Variants in ADAD1 observed in about 807,000 individuals in gnomAD.
ADAD1 encodes adenosine deaminase domain containing 1.
A neutral mutation model predicts 66.8 loss-of-function variants in ADAD1; 46 were observed. The observed-to-expected ratio is 0.69, with a 90% CI of 0.54 to 0.88. The LOEUF is 0.88. ADAD1 is among the 40% of genes least tolerant of loss of function. ADAD1 has a pLI of 0.00. For synonymous variants in ADAD1, 248 were observed against 229.4 expected, an observed-to-expected ratio of 1.08 and a Z score of -0.73; for missense variants, 617 against 681.8, an observed-to-expected ratio of 0.91 and a Z score of 1.06.
rs531696557 is a variant in ADAD1, at chr4:122,379,125, G to T, written c.-83+10G>T. ...AACAACCCTCACGCAGGTACCCCTT[G>T]GGCAGCCTTCAACCGCTCTGGGGAA... On this transcript the variant is annotated intron_variant, in intron 1 of 12. Transcript: ENST00000296513. 1 of 152,446 alleles carries T rather than the reference G, an allele frequency of 6.6e-6. No individual in the cohort carries two copies. The highest frequency in any genetic ancestry group is 3.4e-3 in the Middle Eastern group (1 of 294). 9.4% of individuals were successfully genotyped at this position (152,446 alleles called of 1,614,324 possible).
At chr4:122,407,145 G>A (rs984036584) in intron 7 of ADAD1, among the ~76,000 whole-genome samples, 2 of 152,066 alleles carry the variant, frequency 1.3e-5, no homozygotes, top group African/African-American at 4.8e-5. Flanking sequence ...TCCATTAGGC[G>A]GTTGTGAATG....
In ADAD1 at chr4:122,421,240, A is replaced by C. The variant is rs551777160; in HGVS notation, c.1488-21A>C. On this transcript the variant is annotated intron_variant, in intron 11 of 12. Transcript: ENST00000296513. ...AATTACTGAAAAAGAAATTTAAAAA[A>C]TTTTATTTCTCTCTGCTTAGTTCCC... The C allele has an allele frequency of 4.6e-6, 7 of 1,510,164 alleles. No homozygotes were observed. The South Asian group carries it at 9.6e-5, about 21-fold the overall frequency. The allele number at this position is 1,510,164 out of a possible 1,614,324, so 93.5% of individuals were successfully genotyped here.
chr4:122,396,203 C>T (rs1030765845), intron 6 of ADAD1, 49 bp from the exon 7 acceptor site: 1 of 1,498,620 alleles, frequency 6.7e-7, no homozygotes, highest in African/African-American at 1.4e-5. Flanking sequence ...TAAGACAGCT[C>T]TAGGAGGAGC....
intron 8 of ADAD1, among the ~76,000 whole-genome samples, chr4:122,410,983 G>A (rs1352858348): frequency 1.3e-5 from 2 of 152,150 alleles, no homozygotes; most frequent in South Asian, 2.1e-4. Context: ...AACAAAAGTG[G>A]AGTAGTAGAG....
At chr4:122,427,607 T>C (rs1797306532) in intron 12 of ADAD1, among the ~76,000 whole-genome samples, 1 of 132,586 alleles carries the variant, frequency 7.5e-6, no homozygotes. Flanking sequence ...TGATCTCGGC[T>C]CACTGCAACC....
In ADAD1 at chr4:122,425,474, T is replaced by C. The variant is rs147757473; in HGVS notation, c.1617+4084T>C. On this transcript the variant is annotated intron_variant, in intron 12 of 12. Coordinates refer to ENST00000296513, the MANE Select transcript of ADAD1 (RefSeq NM_139243.4). ...TTATTAGGAAAACTAAGAAATATCT[T>C]GAACTAAGTGAAAGTGAAATGTGAT... Among the ~76,000 whole-genome samples, 288 of 152,108 alleles carry C rather than the reference T, an allele frequency of 1.9e-3. 1 individual carries two copies. The highest frequency in any genetic ancestry group is 3.2e-3 in the Non-Finnish European group (219 of 67,906).
chr4:122,393,542 G>A (rs777616007), intron 5 of ADAD1, 47 bp from the exon 6 acceptor site: 1 of 1,482,794 alleles, frequency 6.7e-7, no homozygotes, highest in South Asian at 1.3e-5. Flanking sequence ...CCAGCTCTTT[G>A]GAATGTTGAA....
chr4:122,400,690 G>A lies in ADAD1; in HGVS notation c.724+4313G>A, dbSNP rs370765145. ...GGTTTCACTCTGACTGCTTGTTATTGGTTTGTTCAGAGTTTTATTTCTTCC... is the reference window on the plus strand; with the variant it reads ...GGTTTCACTCTGACTGCTTGTTATTAGTTTGTTCAGAGTTTTATTTCTTCC... On this transcript the variant is annotated intron_variant, in intron 7 of 12. Transcript: ENST00000296513. 2.6e-5 allele frequency among the ~76,000 whole-genome samples: 4 copies of A among 152,132 alleles called. No individual in the cohort carries two copies. In the East Asian group the frequency reaches 5.8e-4, roughly 22 times the overall value.
intron 10 of ADAD1, among the ~76,000 whole-genome samples, chr4:122,414,531 G>C (rs967597365): frequency 2.0e-5 from 3 of 151,992 alleles, no homozygotes; most frequent in Non-Finnish European, 4.4e-5. Flanking sequence ...GATACCAAAA[G>C]CAGTACATGT....
chr4:122,408,409 G>A (rs760482390), intron 8 of ADAD1, among the ~76,000 whole-genome samples: 7 of 152,154 alleles, frequency 4.6e-5, no homozygotes, highest in Non-Finnish European at 1.0e-4. Flanking sequence ...CCAAATAGCT[G>A]GGATTACAGG....
chr4:122,426,534 T>C (rs1553925921), intron 12 of ADAD1, among the ~76,000 whole-genome samples: 1 of 151,016 alleles, frequency 6.6e-6, no homozygotes, highest in Non-Finnish European at 1.5e-5. Context: ...TTACAAGAAA[T>C]GAAAACTACA....
chr4:122,379,292 A>T (rs1580725334), intron 1 of ADAD1, 80 bp from the exon 2 acceptor site: 1 of 152,396 alleles, frequency 6.6e-6, no homozygotes, highest in Admixed American at 6.5e-5. Flanking sequence ...TAAGGCGGCC[A>T]GTTGGACCCG....
chr4:122,413,154 G>A (rs529395885), intron 10 of ADAD1, among the ~76,000 whole-genome samples: 1 of 152,254 alleles, frequency 6.6e-6, no homozygotes, highest in Non-Finnish European at 1.5e-5. Flanking sequence ...CCTTGGTTGT[G>A]AAGCTTATTT....
At chr4:122,405,036 A>G (rs1212965506) in intron 7 of ADAD1, among the ~76,000 whole-genome samples, 4 of 152,190 alleles carry the variant, frequency 2.6e-5, no homozygotes, top group Non-Finnish European at 5.9e-5. Flanking sequence ...TCTTTGCTAC[A>G]TTATTACCCT....
At chr4:122,393,695 T>G (rs778858519) in intron 6 of ADAD1, 38 bp downstream of exon 6, 1 of 1,430,936 alleles carries the variant, frequency 7.0e-7, no homozygotes, top group Non-Finnish European at 9.6e-7. Flanking sequence ...TTTAGAAGAG[T>G]AGCCCAATTA....
intron 8 of ADAD1, among the ~76,000 whole-genome samples, chr4:122,409,175 T>C (rs1292227867): frequency 6.6e-6 from 1 of 152,142 alleles, no homozygotes; most frequent in East Asian, 1.9e-4. Context: ...CCTAGTTTCT[T>C]TTTCCAGACT....
intron 8 of ADAD1, among the ~76,000 whole-genome samples, chr4:122,408,436 C>T (rs1796318877): frequency 6.6e-6 from 1 of 152,144 alleles, no homozygotes; most frequent in African/African-American, 2.4e-5. Flanking sequence ...CCAACACACC[C>T]GGCTACTTTT....
In ADAD1 at chr4:122,380,050, C is replaced by T. The variant is rs766482037; in HGVS notation, c.-8-12C>T. 5 of 1,591,908 alleles carry T rather than the reference C, an allele frequency of 3.1e-6. No homozygotes were observed. Among genetic ancestry groups the T allele is most frequent in the African/African-American group, 1.4e-5 (1 of 73,588 alleles). ...TTGTCTTGTTTTCTGCCAATTTTAT[C>T]GTGACCTCTAGGTGAGAAAATGGCT... On this transcript the variant is annotated splice_polypyrimidine_tract_variant and intron_variant, in intron 2 of 12. Transcript: ENST00000296513.
At chr4:122,413,873 T>TATATATATATATATATAC (rs1796584372) in intron 10 of ADAD1, among the ~76,000 whole-genome samples, 1 of 146,484 alleles carries the variant, frequency 6.8e-6, no homozygotes, top group Admixed American at 6.8e-5. Context: ...TATATATATA[T>TATATATATATATATATAC]ATATGAATTA....
Sources: allele counts gnomAD v4.1 joint callset (sites outside exome capture counted in the v4.1 genomes callset), GRCh38; gene constraint gnomAD v4.1.1; transcripts MANE v1.5; gene names NCBI Gene and HGNC (gene_info 2026-07-23, HGNC 2026-07-21).